Variants in PTPRT observed in about 807,000 individuals in gnomAD.
PTPRT encodes receptor-type tyrosine-protein phosphatase T.
Under a neutral mutation model 176.8 loss-of-function variants are expected in PTPRT, and 56 were observed. The ratio of observed to expected loss-of-function variants is 0.32; its 90% CI spans 0.26 to 0.40. The LOEUF is 0.40. Ranked by LOEUF, PTPRT falls within the 10% of genes least tolerant of loss-of-function variation. The probability of loss-of-function intolerance (pLI) is 1.00; values close to 1 mark genes in which losing one functional copy is unlikely to be tolerated. For missense variants in PTPRT, 1,540 were observed against 1,908.2 expected (o/e 0.81, Z 3.60); for synonymous variants, 783 against 739.0 (o/e 1.06, Z -0.96).
chr20:42,666,372 A>G (rs1020184882), intron 7 of PTPRT, among the ~76,000 whole-genome samples: 19 of 136,888 alleles, frequency 1.4e-4, no homozygotes, highest in African/African-American at 5.3e-4. Flanking sequence ...TCATGCATCA[A>G]AAAAAAATTT....
intron 12 of PTPRT, among the ~76,000 whole-genome samples, chr20:42,291,795 C>T (rs1003605774): frequency 6.6e-6 from 1 of 152,012 alleles, no homozygotes. Flanking sequence ...ACGAAGCTAG[C>T]GACATAAGAC....
At chr20:43,069,950 G>A (rs2011158604) in intron 1 of PTPRT, among the ~76,000 whole-genome samples, 1 of 152,166 alleles carries the variant, frequency 6.6e-6, no homozygotes, top group Non-Finnish European at 1.5e-5. Flanking sequence ...TATAAGGCAG[G>A]TGCTTCAAGC....
intron 1 of PTPRT, among the ~76,000 whole-genome samples, chr20:42,903,496 A>C (rs1214126471): frequency 6.6e-6 from 1 of 152,244 alleles, no homozygotes; most frequent in Non-Finnish European, 1.5e-5. Flanking sequence ...TAAACTCGAT[A>C]ATAGCATCCG....
chr20:42,106,822 C>T lies in PTPRT; in HGVS notation c.3354G>A (p.Glu1118=), dbSNP rs368982477. 1.2e-6 allele frequency: 2 copies of T among 1,614,162 alleles called. No individual in the cohort carries two copies. The highest frequency in any genetic ancestry group is 1.1e-5 in the South Asian group (1 of 91,070). Residue 1118 remains glutamate, a synonymous_variant, in exon 24 of 31, where the codon GAG becomes GAA. Coordinates refer to ENST00000373187, the MANE Select transcript of PTPRT (RefSeq NM_007050.6). ...CCAGGTTGACCCTTTGGGCCCGGAG[C>T]TCACGCACGCAGTTGAAGATGTCCA... ...GVVDIFNCVR[E]LRAQRVNLVQ...
chr20:42,578,820 C>A (rs2073312398), intron 7 of PTPRT, among the ~76,000 whole-genome samples: 1 of 151,888 alleles, frequency 6.6e-6, no homozygotes, highest in Non-Finnish European at 1.5e-5. Flanking sequence ...CTGTTCAGAA[C>A]CCTGCAACAG....
At chr20:42,626,815 C>G (rs1341979191) in intron 7 of PTPRT, among the ~76,000 whole-genome samples, 3 of 152,206 alleles carry the variant, frequency 2.0e-5, no homozygotes, top group Non-Finnish European at 2.9e-5. Flanking sequence ...CACTAAGGAT[C>G]TGTTACTTCT....
the PTPRT span, among the ~76,000 whole-genome samples, chr20:42,057,776 G>T: frequency 1.3e-5 from 2 of 151,992 alleles, no homozygotes; most frequent in African/African-American, 4.8e-5. Flanking sequence ...ATTGGGTCTT[G>T]CTATGTTGCC....
chr20:42,710,107 A>T (rs1332138355), intron 6 of PTPRT, among the ~76,000 whole-genome samples: 1 of 152,236 alleles, frequency 6.6e-6, no homozygotes, highest in African/African-American at 2.4e-5. Flanking sequence ...TATAATTAAA[A>T]GAAAAGCAGA....
chr20:42,416,440 G>C (rs1600987449), intron 9 of PTPRT, among the ~76,000 whole-genome samples: 1 of 152,108 alleles, frequency 6.6e-6, no homozygotes, highest in South Asian at 2.1e-4. Flanking sequence ...AGCCGCCACA[G>C]GAAAAAACTG....
At chr20:42,947,402 C>T (rs2146006448) in intron 1 of PTPRT, among the ~76,000 whole-genome samples, 1 of 152,240 alleles carries the variant, frequency 6.6e-6, no homozygotes, top group Non-Finnish European at 1.5e-5. Context: ...AAGGGGTCCC[C>T]TTCCTCTCAT....
chr20:42,888,851 T>G (rs934726678), intron 1 of PTPRT, among the ~76,000 whole-genome samples: 1 of 152,184 alleles, frequency 6.6e-6, no homozygotes, highest in Non-Finnish European at 1.5e-5. Context: ...AAGGTAAGCA[T>G]GCAAATATAC....
At chr20:42,878,840 A>G (rs1430679487) in intron 2 of PTPRT, among the ~76,000 whole-genome samples, 3 of 152,144 alleles carry the variant, frequency 2.0e-5, no homozygotes, top group African/African-American at 7.2e-5. Context: ...CATCCTGGCT[A>G]ACATGGTGAA....
intron 5 of PTPRT, among the ~76,000 whole-genome samples, chr20:42,766,973 A>T (rs1600715054): frequency 6.6e-6 from 1 of 152,004 alleles, no homozygotes; most frequent in Non-Finnish European, 1.5e-5. Context: ...AGGCTAAGTC[A>T]CCCCAACCTT....
In PTPRT at chr20:42,074,480, C is replaced by T. The variant is rs78666075; in HGVS notation, c.*6399G>A. ...CAACACTTCAAGGCCACCAGACACT[C>T]ATTCTCCGAACATTCCAATTAAGGA... is the stretch of plus-strand genomic sequence containing the variant. On this transcript the variant is annotated 3_prime_UTR_variant, in exon 31 of 31. Coordinates refer to ENST00000373187, the MANE Select transcript of PTPRT (RefSeq NM_007050.6). 28 of 317,350 alleles carry T rather than the reference C, an allele frequency of 8.8e-5. 1 individual carries two copies. Among genetic ancestry groups the T allele is most frequent in the East Asian group, 5.1e-4 (11 of 21,622 alleles). 19.7% of individuals were successfully genotyped at this position (317,350 alleles called of 1,614,324 possible). A position where few individuals can be genotyped will look rare whatever the true frequency, so the allele number is the denominator to read the frequency against.
At chr20:42,090,687 C>A (rs932685966) in intron 27 of PTPRT, among the ~76,000 whole-genome samples, 4 of 152,100 alleles carry the variant, frequency 2.6e-5, no homozygotes, top group African/African-American at 7.2e-5. Context: ...TAAGCATCTG[C>A]GATTTATACA....
chr20:42,549,923 C>T (rs987265653), intron 7 of PTPRT, among the ~76,000 whole-genome samples: 4 of 152,148 alleles, frequency 2.6e-5, no homozygotes, highest in Non-Finnish European at 5.9e-5. Context: ...GGAATAAATA[C>T]TTCAAAACTT....
In PTPRT at chr20:42,590,868, A is replaced by G. The variant is rs1569000099; in HGVS notation, c.1153+86998T>C. Among the ~76,000 whole-genome samples, 4 of 151,986 alleles carry G rather than the reference A, an allele frequency of 2.6e-5. No homozygotes were observed. The East Asian group carries it at 7.7e-4, about 29-fold the overall frequency. On this transcript the variant is annotated intron_variant, in intron 7 of 30. Coordinates refer to ENST00000373187, the MANE Select transcript of PTPRT (RefSeq NM_007050.6). ...TAATTGATTGGCTTATTGACAGACCATTTGACTAATGAAACATCAAAAAGT... is the reference window on the plus strand; with the variant it reads ...TAATTGATTGGCTTATTGACAGACCGTTTGACTAATGAAACATCAAAAAGT...
At chr20:42,817,981 T>C (rs2077819378) in intron 2 of PTPRT, among the ~76,000 whole-genome samples, 2 of 152,022 alleles carry the variant, frequency 1.3e-5, no homozygotes, top group South Asian at 4.2e-4. Context: ...GACAAGTAGG[T>C]TTCCCCCCAG....
chr20:43,026,072 C>T (rs1168987019), intron 1 of PTPRT, among the ~76,000 whole-genome samples: 1 of 152,052 alleles, frequency 6.6e-6, no homozygotes, highest in Non-Finnish European at 1.5e-5. Context: ...AAATCCTTAT[C>T]CCCCTAGTGC....
Sources: allele counts gnomAD v4.1 joint callset (sites outside exome capture counted in the v4.1 genomes callset), GRCh38; gene constraint gnomAD v4.1.1; transcripts MANE v1.5; gene names NCBI Gene and HGNC (gene_info 2026-07-23, HGNC 2026-07-21).